The following NEURL1 variants were observed in gnomAD, a reference collection of about 807,000 sequenced individuals.
NEURL1 encodes the protein E3 ubiquitin-protein ligase NEURL1.
A neutral mutation model predicts 41.2 loss-of-function variants in NEURL1; 26 were observed. That is an observed-to-expected ratio of 0.63 (90% confidence interval 0.46 to 0.87). NEURL1 has a LOEUF of 0.87. NEURL1 is among the 40% of genes least tolerant of loss of function. The pLI, the probability that NEURL1 is intolerant of heterozygous loss-of-function variation, is 0.00. For synonymous variants in NEURL1, 400 were observed against 402.3 expected, an observed-to-expected ratio of 0.99 and a Z score of 0.07; for missense variants, 761 against 871.1, an observed-to-expected ratio of 0.87 and a Z score of 1.59.
chr10:103,521,929 G>C (rs1158195611), intron 1 of NEURL1, among the ~76,000 whole-genome samples: 1 of 116,896 alleles, frequency 8.6e-6, no homozygotes, highest in African/African-American at 3.8e-5. Context: ...AGTCAGAAAA[G>C]AGAGTCAGTG....
Position 103,585,169 on chromosome 10 carries a change from A to G in NEURL1, c.1283A>G (p.Gln428Arg), listed in dbSNP as rs749198922. The G allele has an allele frequency of 2.5e-6, 4 of 1,589,276 alleles. No homozygotes were observed. The highest frequency in any genetic ancestry group is 3.4e-5 in the Admixed American group (2 of 59,022). The change falls in exon 4 of 6, where the codon CAG (glutamine) becomes CGG (arginine). Residue 428 changes from glutamine (Q) to arginine (R), a missense_variant. By Grantham distance (43) the Gln-to-Arg change is conservative. Coordinates refer to ENST00000369780, the MANE Select transcript of NEURL1 (RefSeq NM_004210.5). ...AGMQLCVDAS[Q>R]PLWMLFGLHG... Reference sequence around the variant, plus strand: ...ATGCAGCTGTGCGTGGACGCCTCGCAGCCGCTTTGGATGCTCTTCGGCCTG... The same window carrying G: ...ATGCAGCTGTGCGTGGACGCCTCGCGGCCGCTTTGGATGCTCTTCGGCCTG...
At chr10:103,533,101 G>T (rs1055734572) in intron 1 of NEURL1, among the ~76,000 whole-genome samples, 13 of 150,440 alleles carry the variant, frequency 8.6e-5, no homozygotes, top group African/African-American at 1.2e-4. Flanking sequence ...TATTTTTTTT[G>T]TATTTTTAGT....
chr10:103,513,779 G>T (rs935871412), intron 1 of NEURL1, among the ~76,000 whole-genome samples: 1 of 151,326 alleles, frequency 6.6e-6, no homozygotes, highest in African/African-American at 2.4e-5. Context: ...GGGGTGGGAG[G>T]ACAGGGGTGC....
At position 103,508,993 on chromosome 10, in the gene NEURL1, C is replaced by A. The variant is rs1251553944; in HGVS notation, c.85+14521C>A. On this transcript the variant is annotated intron_variant, in intron 1 of 5. Transcript: ENST00000369780. The surrounding 1 kb of genome is among the most constrained non-coding windows in gnomAD (Gnocchi z 4.3). ...TTAGCTTCACCTCCTTAGCACGAGG[C>A]TGAGGCGGGTGGATCACCTGAGGTC... Among the ~76,000 whole-genome samples the A allele has an allele frequency of 6.6e-6, 1 of 152,168 alleles. No individual in the cohort carries two copies. Among genetic ancestry groups the A allele is most frequent in the Non-Finnish European group, 1.5e-5 (1 of 68,030 alleles).
At chr10:103,532,043 T>TTATCCATC (rs2034584116) in intron 1 of NEURL1, among the ~76,000 whole-genome samples, 1 of 152,246 alleles carries the variant, frequency 6.6e-6, no homozygotes. Flanking sequence ...TGGAATATCT[T>TTATCCATC]TATCCATCCC....
At chr10:103,538,543 C>T (rs958651590) in intron 1 of NEURL1, among the ~76,000 whole-genome samples, 13 of 151,608 alleles carry the variant, frequency 8.6e-5, no homozygotes, top group African/African-American at 2.9e-4. Context: ...TGCACTCCAG[C>T]CTGAAAGACA....
intron 1 of NEURL1, among the ~76,000 whole-genome samples, chr10:103,553,169 A>G (rs1394684476): frequency 6.6e-6 from 1 of 152,154 alleles, no homozygotes; most frequent in Non-Finnish European, 1.5e-5. Context: ...TTTGGCCTCA[A>G]TTTCCTCATC....
Position 103,584,987 on chromosome 10 carries a change from G to A in NEURL1, c.1101G>A (p.Pro367=). The change falls in exon 4 of 6, where the codon CCG becomes CCA. Residue 367 remains proline, a synonymous_variant. Transcript: ENST00000369780. ...CGTGCGACCCCGGCACGCTGCGGCC[G>A]GCCGACCTGCCTTTCAGCCCTGAGG... The part of the protein sequence containing the change: ...VTTCDPGTLR[P]ADLPFSPEAL... 1 of 1,542,220 alleles carries A rather than the reference G, an allele frequency of 6.5e-7. No individual in the cohort carries two copies. Among genetic ancestry groups the A allele is most frequent in the Non-Finnish European group, 8.7e-7 (1 of 1,154,056 alleles).
chr10:103,548,770 C>T (rs1407409216), intron 1 of NEURL1, among the ~76,000 whole-genome samples: 2 of 152,166 alleles, frequency 1.3e-5, no homozygotes, highest in African/African-American at 2.4e-5. Flanking sequence ...AGGCAGCGGC[C>T]GTCACAGGTG....
At chr10:103,575,772 A>C (rs1427697588) in intron 3 of NEURL1, among the ~76,000 whole-genome samples, 1 of 151,842 alleles carries the variant, frequency 6.6e-6, no homozygotes, top group South Asian at 2.1e-4. Context: ...CCCTGGCCCA[A>C]GCCCAGGCTG....
Position 103,584,709 on chromosome 10 carries a change from C to T in NEURL1, c.823C>T (p.Gln275Ter). 6.8e-7 allele frequency: 1 copy of T among 1,466,018 alleles called. No homozygotes were observed. The highest frequency in any genetic ancestry group is 9.0e-7 in the Non-Finnish European group (1 of 1,114,524). 90.8% of individuals were successfully genotyped at this position (1,466,018 alleles called of 1,614,324 possible). A position where few individuals can be genotyped will look rare whatever the true frequency, so the allele number is the denominator to read the frequency against. Residue 275 changes from glutamine to a stop codon, truncating the protein, a stop_gained, in exon 4 of 6, where the codon CAG becomes TAG. Transcript: ENST00000369780. LOFTEE classifies it high-confidence loss of function. ...GCCGGCCGCCGGCTGCCCCATCCCG[C>T]AGAACTCACTCAACTCGCAGCACAG... The part of the protein sequence containing the change: ...AAPAAGCPIP[Q>*]NSLNSQHSRA...
At chr10:103,581,871 G>C (rs2035790121) in intron 3 of NEURL1, among the ~76,000 whole-genome samples, 1 of 152,164 alleles carries the variant, frequency 6.6e-6, no homozygotes, top group Non-Finnish European at 1.5e-5. Context: ...TTAAATACAG[G>C]GAGGTAGATT....
chr10:103,559,926 CAT>C lies in NEURL1; in HGVS notation c.86-10943_86-10942del, dbSNP rs376174536. ...CACACACAACACACACATGCACACACATATTACACACATGCACACACACGTAC... is the reference window on the plus strand; with the variant it reads ...CACACACAACACACACATGCACACACATTACACACATGCACACACACGTAC... On this transcript the variant is annotated intron_variant, in intron 1 of 5. Coordinates refer to ENST00000369780, the MANE Select transcript of NEURL1 (RefSeq NM_004210.5). Among the ~76,000 whole-genome samples, 902 of 151,940 alleles carry C rather than the reference CAT, an allele frequency of 5.9e-3. 8 individuals are homozygous for C. The highest frequency in any genetic ancestry group is 0.02 in the African/African-American group (841 of 41,392).
chr10:103,580,700 G>C lies in NEURL1; in HGVS notation c.650-3836G>C, dbSNP rs540970636. 2.0e-5 allele frequency among the ~76,000 whole-genome samples: 3 copies of C among 152,278 alleles called. No individual in the cohort carries two copies. In the South Asian group the frequency reaches 6.2e-4, roughly 32 times the overall value. ...GCCTGCAGCTGCTCCTGACCCTGAGGGGTGGAGAGGGAGAGAAGACAGACT... is the reference window on the plus strand; with the variant it reads ...GCCTGCAGCTGCTCCTGACCCTGAGCGGTGGAGAGGGAGAGAAGACAGACT... On this transcript the variant is annotated intron_variant, in intron 3 of 5. Transcript: ENST00000369780.
At chr10:103,500,765 G>A (rs2033804622) in intron 1 of NEURL1, among the ~76,000 whole-genome samples, 1 of 152,210 alleles carries the variant, frequency 6.6e-6, no homozygotes. Flanking sequence ...GCCTGCATCA[G>A]CATTAGCTGG....
chr10:103,575,990 T>C (rs889865928), intron 3 of NEURL1, among the ~76,000 whole-genome samples: 26 of 152,246 alleles, frequency 1.7e-4, no homozygotes, highest in Non-Finnish European at 2.9e-4. Flanking sequence ...AAGAGCCCAC[T>C]TACAGGGTGC....
intron 1 of NEURL1, among the ~76,000 whole-genome samples, chr10:103,532,930 T>C (rs1160019043): frequency 7.2e-5 from 10 of 138,686 alleles, no homozygotes; most frequent in African/African-American, 2.4e-4. Context: ...CTTTTTTTTT[T>C]TTTTTTTTTT....
At chr10:103,529,890 C>T (rs2034533658) in intron 1 of NEURL1, among the ~76,000 whole-genome samples, 1 of 152,166 alleles carries the variant, frequency 6.6e-6, no homozygotes, top group Admixed American at 6.5e-5. Flanking sequence ...GGTCACAATT[C>T]AGACCCCAAG....
intron 1 of NEURL1, among the ~76,000 whole-genome samples, chr10:103,529,577 T>A: frequency 1.3e-5 from 2 of 152,366 alleles, no homozygotes; most frequent in Middle Eastern, 3.4e-3. Context: ...AGTCTCCAAC[T>A]GTGTTCTGTT....
Sources: allele counts gnomAD v4.1 joint callset (sites outside exome capture counted in the v4.1 genomes callset), GRCh38; gene constraint gnomAD v4.1.1; non-coding constraint Gnocchi (gnomAD v3.1); transcripts MANE v1.5; gene names NCBI Gene and HGNC (gene_info 2026-07-23, HGNC 2026-07-21).